EYS: variants seen among roughly 807,000 people sequenced by gnomAD.
EYS encodes the protein protein eyes shut homolog.
EYS carries 250 observed loss-of-function variants against 282.1 expected under a neutral mutation model. The ratio of observed to expected loss-of-function variants is 0.89; its 90% CI spans 0.80 to 0.98. The LOEUF is 0.98. Ranked by LOEUF, EYS falls within the 50% of genes least tolerant of loss-of-function variation. The pLI is 0.00. For synonymous variants in EYS, 1,355 were observed against 1,282.9 expected, an observed-to-expected ratio of 1.06 and a Z score of -1.20; for missense variants, 4,016 against 3,709.0, an observed-to-expected ratio of 1.08 and a Z score of -2.15.
chr6:65,013,330 A>C (rs1771938704), intron 13 of EYS, among the ~76,000 whole-genome samples: 1 of 152,132 alleles, frequency 6.6e-6, no homozygotes, highest in South Asian at 2.1e-4. Flanking sequence ...TATCATGTTG[A>C]TTTGTACATG....
intron 29 of EYS, among the ~76,000 whole-genome samples, chr6:64,370,768 A>G (rs957417957): frequency 3.3e-5 from 5 of 152,040 alleles, no homozygotes; most frequent in African/African-American, 1.2e-4. Context: ...TGTTTCCAGG[A>G]ATTTTTCCAT....
chr6:64,889,636 A>C (rs1342400048), intron 18 of EYS, among the ~76,000 whole-genome samples: 2 of 152,088 alleles, frequency 1.3e-5, no homozygotes, highest in South Asian at 2.1e-4. Context: ...TCTTTACTGC[A>C]ATCTCTAAAC....
At chr6:64,150,960 T>A (rs2150294005) in intron 31 of EYS, among the ~76,000 whole-genome samples, 1 of 152,292 alleles carries the variant, frequency 6.6e-6, no homozygotes, top group Admixed American at 6.5e-5. Flanking sequence ...ATTGGCGCAA[T>A]ATATCTGGAA....
At chr6:65,130,011 A>G (rs9445470) in intron 12 of EYS, among the ~76,000 whole-genome samples, 4,295 of 152,052 alleles carry the variant, frequency 0.028, 155 homozygotes, top group African/African-American at 0.086. Flanking sequence ...TTGCAGCAAC[A>G]TGGATGTAGC....
intron 12 of EYS, among the ~76,000 whole-genome samples, chr6:65,208,693 T>TACA (rs1403529491): frequency 6.6e-6 from 1 of 151,794 alleles, no homozygotes; most frequent in Non-Finnish European, 1.5e-5. Flanking sequence ...ATGAATAACT[T>TACA]ACAAACAGAA....
In EYS at chr6:65,517,883, G is replaced by A. The variant is rs139103096; in HGVS notation, c.-332-21890C>T. On this transcript the variant is annotated intron_variant, in intron 2 of 42. Transcript: ENST00000503581. Reference sequence around the variant, plus strand: ...ATAGTAAAAATTCAACTCCAAACACGTTCTATGTGTAAGAGTTTCCAGTGA... The same window carrying A: ...ATAGTAAAAATTCAACTCCAAACACATTCTATGTGTAAGAGTTTCCAGTGA... Among the ~76,000 whole-genome samples the A allele has an allele frequency of 1.1e-4, 16 of 152,114 alleles. No individual in the cohort carries two copies. The East Asian group carries it at 3.1e-3, about 29-fold the overall frequency.
chr6:63,754,072 T>G (rs1769414697), intron 41 of EYS, among the ~76,000 whole-genome samples: 1 of 152,224 alleles, frequency 6.6e-6, no homozygotes, highest in Non-Finnish European at 1.5e-5. Context: ...GGATATTTCT[T>G]ACTCTTTTTC....
chr6:64,376,084 C>T (rs1278451265), intron 29 of EYS, among the ~76,000 whole-genome samples: 1 of 152,104 alleles, frequency 6.6e-6, no homozygotes, highest in African/African-American at 2.4e-5. Context: ...TAAGAAAGAT[C>T]TATCATTTCA....
At chr6:64,239,988 C>A (rs906390375) in intron 30 of EYS, among the ~76,000 whole-genome samples, 1 of 152,176 alleles carries the variant, frequency 6.6e-6, no homozygotes, top group Non-Finnish European at 1.5e-5. Flanking sequence ...CCAGTTTTCC[C>A]AACACCGTTT....
At chr6:63,741,930 C>T (rs1042893241) in intron 41 of EYS, 17 of 702,178 alleles carry the variant, frequency 2.4e-5, no homozygotes, top group Non-Finnish European at 3.9e-5. Context: ...CTTCACTTTC[C>T]GTTCTGCTGG....
At chr6:65,430,932 T>C (rs1767861415) in intron 5 of EYS, among the ~76,000 whole-genome samples, 1 of 152,142 alleles carries the variant, frequency 6.6e-6, no homozygotes. Flanking sequence ...CTTGCTGTCC[T>C]CAGGTGAGAT....
intron 12 of EYS, among the ~76,000 whole-genome samples, chr6:65,097,936 A>C (rs1561964567): frequency 6.6e-6 from 1 of 150,922 alleles, no homozygotes; most frequent in East Asian, 1.9e-4. Context: ...CATTGTGCTC[A>C]TACTTAACAA....
At position 64,146,706 on chromosome 6, in the gene EYS, C is replaced by T. The variant is rs1292764001; in HGVS notation, c.6425-64704G>A. ...TTCTGTCCCCAGGAGCTGTTAATTT[C>T]CCTCCACTCCAGCTAAGCTCCACTG... On this transcript the variant is annotated intron_variant, in intron 31 of 42. Transcript: ENST00000503581. Among the ~76,000 whole-genome samples the T allele has an allele frequency of 3.3e-5, 5 of 152,070 alleles. No homozygotes were observed. In the South Asian group the frequency reaches 6.2e-4, roughly 19 times the overall value.
chr6:65,472,062 T>C lies in EYS; in HGVS notation c.862+18532A>G, dbSNP rs531881469. Among the ~76,000 whole-genome samples, 11 of 152,240 alleles carry C rather than the reference T, an allele frequency of 7.2e-5. 1 individual carries two copies. Among genetic ancestry groups the C allele is most frequent in the South Asian group, 6.2e-4 (3 of 4,824 alleles). On this transcript the variant is annotated intron_variant, in intron 5 of 42. Coordinates refer to ENST00000503581, the MANE Select transcript of EYS (RefSeq NM_001142800.2). ...AGTGCCTGAATAAACAGTACATTTT[T>C]TTATGGACACAAACTAACATCATAT...
intron 31 of EYS, among the ~76,000 whole-genome samples, chr6:64,197,666 A>C (rs1765332164): frequency 6.6e-6 from 1 of 151,682 alleles, no homozygotes; most frequent in African/African-American, 2.4e-5. Flanking sequence ...AGGTTTTATA[A>C]TGTTCATATT....
intron 11 of EYS, among the ~76,000 whole-genome samples, chr6:65,316,487 A>C (rs1195544184): frequency 1.3e-5 from 2 of 149,864 alleles, no homozygotes; most frequent in Non-Finnish European, 3.0e-5. Flanking sequence ...TTTTTAAAAA[A>C]ATTATTTTTA....
intron 2 of EYS, among the ~76,000 whole-genome samples, chr6:65,598,715 A>G (rs990110544): frequency 2.7e-4 from 41 of 152,070 alleles, no homozygotes; most frequent in African/African-American, 9.7e-4. Context: ...TACATTGTCC[A>G]TTGGACCAAA....
At chr6:64,253,227 A>G (rs1216105061) in intron 30 of EYS, among the ~76,000 whole-genome samples, 1 of 152,166 alleles carries the variant, frequency 6.6e-6, no homozygotes, top group Non-Finnish European at 1.5e-5. Flanking sequence ...TTAATAAAAT[A>G]TTCTGTGTAC....
chr6:64,771,557 C>T (rs555322723), intron 22 of EYS, among the ~76,000 whole-genome samples: 51 of 151,746 alleles, frequency 3.4e-4, no homozygotes, highest in Non-Finnish European at 6.8e-4. Flanking sequence ...CTTTGTACTA[C>T]TTTGCATAAG....
Sources: allele counts gnomAD v4.1 joint callset (sites outside exome capture counted in the v4.1 genomes callset), GRCh38; gene constraint gnomAD v4.1.1; transcripts MANE v1.5; gene names NCBI Gene and HGNC (gene_info 2026-07-23, HGNC 2026-07-21).